Variants in TSHZ2 observed in about 807,000 individuals in gnomAD.
The protein encoded by TSHZ2 is teashirt homolog 2.
TSHZ2 carries 21 observed loss-of-function variants against 74.4 expected under a neutral mutation model. The ratio of observed to expected loss-of-function variants is 0.28; its 90% CI spans 0.20 to 0.41. The LOEUF (loss-of-function observed/expected upper bound fraction) is 0.41, where lower values mean the gene tolerates loss of function less well. Among genes scored for constraint, TSHZ2 ranks in the 10% least tolerant of loss-of-function variants. The probability of loss-of-function intolerance (pLI) is 1.00; values close to 1 mark genes in which losing one functional copy is unlikely to be tolerated. For synonymous variants in TSHZ2, 540 were observed against 515.3 expected (o/e 1.05, Z -0.65); for missense variants, 1,244 against 1,293.5 (o/e 0.96, Z 0.59).
intron 2 of TSHZ2, among the ~76,000 whole-genome samples, chr20:53,411,858 A>G (rs1983065985): frequency 6.6e-6 from 1 of 152,170 alleles, no homozygotes; most frequent in Admixed American, 6.5e-5. Flanking sequence ...AAAAAAGAGT[A>G]CCTATCTCAT....
At chr20:53,471,798 CTTTTCT>C (rs1368140635) in intron 2 of TSHZ2, among the ~76,000 whole-genome samples, 5 of 112,348 alleles carry the variant, frequency 4.5e-5, no homozygotes, top group African/African-American at 1.4e-4. Flanking sequence ...AGACACTTTT[CTTTTCT>C]TTTTTTTTTT....
chr20:53,359,660 C>G (rs1038917056), intron 2 of TSHZ2, among the ~76,000 whole-genome samples: 4 of 152,156 alleles, frequency 2.6e-5, no homozygotes, highest in Non-Finnish European at 5.9e-5. Flanking sequence ...GCGGGGCCAG[C>G]AAATACAACA....
At chr20:52,993,989 C>A (rs562769869) in intron 1 of TSHZ2, among the ~76,000 whole-genome samples, 30 of 152,308 alleles carry the variant, frequency 2.0e-4, no homozygotes, top group Non-Finnish European at 3.4e-4. Flanking sequence ...GTACAAATCT[C>A]ATTCCAAGAA....
intron 1 of TSHZ2, among the ~76,000 whole-genome samples, chr20:53,070,353 T>C (rs1985131647): frequency 6.6e-6 from 1 of 152,316 alleles, no homozygotes; most frequent in African/African-American, 2.4e-5. Context: ...CCCTGTCTAA[T>C]AGCCTATCTT....
At chr20:53,404,731 A>T (rs189173843) in intron 2 of TSHZ2, among the ~76,000 whole-genome samples, 119 of 152,310 alleles carry the variant, frequency 7.8e-4, no homozygotes, top group African/African-American at 2.6e-3. Flanking sequence ...GGATCAGATA[A>T]GGTTTATTAA....
intron 2 of TSHZ2, among the ~76,000 whole-genome samples, chr20:53,417,488 G>T (rs1003786931): frequency 6.6e-6 from 1 of 151,994 alleles, no homozygotes; most frequent in African/African-American, 2.4e-5. Flanking sequence ...GTAGAGACAG[G>T]GTTTCACTAT....
At chr20:53,378,125 A>T (rs1981727171) in intron 2 of TSHZ2, among the ~76,000 whole-genome samples, 1 of 152,082 alleles carries the variant, frequency 6.6e-6, no homozygotes, top group Non-Finnish European at 1.5e-5. Flanking sequence ...CGATCACCTG[A>T]GGTCAGGAGT....
intron 1 of TSHZ2, among the ~76,000 whole-genome samples, chr20:53,029,420 A>T (rs1298819911): frequency 2.0e-5 from 3 of 152,258 alleles, no homozygotes; most frequent in Non-Finnish European, 2.9e-5. Flanking sequence ...TCACACCTGT[A>T]ATCCTAGCAC....
intron 2 of TSHZ2, among the ~76,000 whole-genome samples, chr20:53,484,353 T>C (rs1478488326): frequency 6.6e-6 from 1 of 151,092 alleles, no homozygotes; most frequent in Non-Finnish European, 1.5e-5. Context: ...CTGTGAACCC[T>C]AGGACAAGTC....
chr20:53,117,619 C>G (rs1031505705), intron 1 of TSHZ2, among the ~76,000 whole-genome samples: 1 of 152,098 alleles, frequency 6.6e-6, no homozygotes, highest in Non-Finnish European at 1.5e-5. Context: ...AAAATAGGAG[C>G]CAGTTGTGCA....
At chr20:53,436,040 T>C (rs1191637074) in intron 2 of TSHZ2, among the ~76,000 whole-genome samples, 1 of 152,238 alleles carries the variant, frequency 6.6e-6, no homozygotes, top group Non-Finnish European at 1.5e-5. Context: ...TTCTTTTCAA[T>C]GATAGCAATA....
intron 2 of TSHZ2, among the ~76,000 whole-genome samples, chr20:53,431,286 A>G (rs1265018500): frequency 6.6e-6 from 1 of 151,900 alleles, no homozygotes; most frequent in Non-Finnish European, 1.5e-5. Flanking sequence ...GCGAAACCCC[A>G]TCTCTACTAA....
At chr20:53,183,075 C>T (rs1988520131) in intron 1 of TSHZ2, among the ~76,000 whole-genome samples, 1 of 152,086 alleles carries the variant, frequency 6.6e-6, no homozygotes, top group Non-Finnish European at 1.5e-5. Context: ...TCAACATTAC[C>T]CAAAGAACAG....
intron 1 of TSHZ2, among the ~76,000 whole-genome samples, chr20:53,040,714 T>G (rs1168583261): frequency 6.6e-6 from 1 of 152,046 alleles, no homozygotes; most frequent in East Asian, 1.9e-4. Flanking sequence ...TTGTTTTTCC[T>G]GTTTGTTTGG....
intron 2 of TSHZ2, among the ~76,000 whole-genome samples, chr20:53,396,793 A>T (rs997612128): frequency 1.3e-5 from 2 of 150,332 alleles, no homozygotes; most frequent in African/African-American, 4.9e-5. Flanking sequence ...GGCTACAGTG[A>T]GCCAAGATGG....
intron 2 of TSHZ2, among the ~76,000 whole-genome samples, chr20:53,286,071 A>G (rs980980912): frequency 2.0e-5 from 3 of 152,204 alleles, no homozygotes; most frequent in Non-Finnish European, 2.9e-5. Flanking sequence ...TTGTTGTAGC[A>G]TTTACTTCTC....
intron 2 of TSHZ2, among the ~76,000 whole-genome samples, chr20:53,456,283 GT>G (rs1456422784): frequency 1.3e-5 from 2 of 150,740 alleles, no homozygotes; most frequent in African/African-American, 4.9e-5. Context: ...TCTCATTGTG[GT>G]TTTGATTTGC....
intron 2 of TSHZ2, among the ~76,000 whole-genome samples, chr20:53,284,346 C>G (rs1991122770): frequency 6.6e-6 from 1 of 152,178 alleles, no homozygotes; most frequent in Non-Finnish European, 1.5e-5. Flanking sequence ...GCTGAGAAAT[C>G]AAATTATGCA....
intron 2 of TSHZ2, among the ~76,000 whole-genome samples, chr20:53,297,592 T>A (rs1280375441): frequency 6.6e-6 from 1 of 152,200 alleles, no homozygotes; most frequent in Non-Finnish European, 1.5e-5. Context: ...TATCAACCAG[T>A]GTATTATCTT....
Sources: allele counts gnomAD v4.1 joint callset (sites outside exome capture counted in the v4.1 genomes callset), GRCh38; gene constraint gnomAD v4.1.1; transcripts MANE v1.5; gene names NCBI Gene and HGNC (gene_info 2026-07-23, HGNC 2026-07-21).